The following PDC variants were observed in gnomAD, a reference collection of about 807,000 sequenced individuals.
PDC encodes the protein phosducin, also known as 33 kDa phototransducing protein.
Under a neutral mutation model 22.2 loss-of-function variants are expected in PDC, and 19 were observed. The observed-to-expected ratio is 0.86, with a 90% CI of 0.60 to 1.26. PDC has a LOEUF of 1.26. Among genes scored for constraint, PDC ranks in the 50% most tolerant of loss-of-function variants. PDC has a pLI of 0.00. For missense variants in PDC, 274 were observed against 286.8 expected (o/e 0.96, Z 0.32); for synonymous variants, 97 against 96.2 (o/e 1.01, Z -0.05).
chr1:186,455,525 G>A (rs1662438842), intron 1 of PDC, among the ~76,000 whole-genome samples: 1 of 151,940 alleles, frequency 6.6e-6, no homozygotes, highest in African/African-American at 2.4e-5. Flanking sequence ...GATTTTTCAG[G>A]GTTCCCCACC....
chr1:186,457,708 T>C (rs986472360), intron 1 of PDC, among the ~76,000 whole-genome samples: 15 of 152,180 alleles, frequency 9.9e-5, no homozygotes, highest in Admixed American at 8.5e-4. Context: ...TTCTTTAAAA[T>C]TAAATTTTGG....
Position 186,446,517 on chromosome 1 carries a change from G to A in PDC, c.122C>T (p.Ser41Leu). 1 of 1,600,790 alleles carries A rather than the reference G, an allele frequency of 6.2e-7. No homozygotes were observed. The highest frequency in any genetic ancestry group is 8.6e-7 in the Non-Finnish European group (1 of 1,169,212). ...KFKLESQDSDSIPPSKKEILR... is the reference protein window; with the variant it reads ...KFKLESQDSDLIPPSKKEILR... ...AATCTCCTTCTTGCTAGGTGGAATT[G>A]AATCACTGTCTTGACTCTCTAATTT... is the stretch of plus-strand genomic sequence containing the variant. Residue 41 changes from serine (S) to leucine (L), a missense_variant, in exon 3 of 4, where the codon TCA (serine) becomes TTA (leucine). Ser to Leu is a moderately radical substitution (Grantham distance 145, BLOSUM62 -2). Coordinates refer to ENST00000391997, the MANE Select transcript of PDC (RefSeq NM_002597.5).
chr1:186,444,396 C>T lies in PDC; in HGVS notation c.324G>A (p.Gly108=). 1 of 1,614,046 alleles carries T rather than the reference C, an allele frequency of 6.2e-7. No individual in the cohort carries two copies. Among genetic ancestry groups the T allele is most frequent in the South Asian group, 1.1e-5 (1 of 91,080 alleles). ...GCTCATACACAAACCCATATCTAGG[C>T]CCAAAACTCAGCTTCTGGTGCATAT... ...MQDMHQKLSF[G]PRYGFVYELE... Residue 108 remains glycine (G), a synonymous_variant, in exon 4 of 4, where the codon GGG becomes GGA. Transcript: ENST00000391997.
intron 1 of PDC, among the ~76,000 whole-genome samples, chr1:186,458,232 T>G (rs1662508852): frequency 7.2e-6 from 1 of 139,776 alleles, no homozygotes; most frequent in African/African-American, 2.6e-5. Context: ...TATTCTTTTT[T>G]TTTTTTTTTT....
rs1437048401 is a variant in PDC, at chr1:186,461,049, G to A, written c.-25+10C>T. 6.5e-6 allele frequency: 1 copy of A among 154,774 alleles called. No individual in the cohort carries two copies. The highest frequency in any genetic ancestry group is 1.5e-5 in the Non-Finnish European group (1 of 68,224). 9.6% of individuals were successfully genotyped at this position (154,774 alleles called of 1,614,324 possible). ...AATTATATTATCAAAAGGACTACTT[G>A]TGGACTCACAGTTTGGATCTCTGTG... On this transcript the variant is annotated intron_variant, in intron 1 of 3. Transcript: ENST00000391997.
chr1:186,455,051 A>C (rs1662430178), intron 1 of PDC, among the ~76,000 whole-genome samples: 1 of 152,182 alleles, frequency 6.6e-6, no homozygotes, highest in Non-Finnish European at 1.5e-5. Flanking sequence ...GTTGCTAGGT[A>C]CCTTTGTCTG....
chr1:186,452,376 T>C (rs1662371502), intron 1 of PDC, among the ~76,000 whole-genome samples: 1 of 152,170 alleles, frequency 6.6e-6, no homozygotes, highest in South Asian at 2.1e-4. Context: ...TAGCTGGGAT[T>C]ACAGGCATGG....
At chr1:186,445,662 C>T (rs1200580068) in intron 3 of PDC, among the ~76,000 whole-genome samples, 1 of 151,986 alleles carries the variant, frequency 6.6e-6, no homozygotes, top group Non-Finnish European at 1.5e-5. Context: ...AAAATGGTGG[C>T]ACATGCCTGT....
intron 1 of PDC, among the ~76,000 whole-genome samples, chr1:186,450,190 TC>T (rs1206555927): frequency 1.3e-5 from 2 of 152,182 alleles, no homozygotes. Context: ...ATTTGGCAAA[TC>T]AAATCTTTGA....
intron 1 of PDC, among the ~76,000 whole-genome samples, chr1:186,459,752 G>GTGTATA (rs1299957095): frequency 9.8e-5 from 11 of 112,114 alleles, no homozygotes; most frequent in South Asian, 9.1e-4. Flanking sequence ...GTGTGTGTGT[G>GTGTATA]TATATATATA....
rs189475313 is a variant in PDC at position 186,457,436 on chromosome 1, G to C, written c.-25+3623C>G. ...TGAATTAATTGGAATTGGAAAATGGGAATGATTATTTAATTTGAATGTAGC... is the reference window on the plus strand; with the variant it reads ...TGAATTAATTGGAATTGGAAAATGGCAATGATTATTTAATTTGAATGTAGC... On this transcript the variant is annotated intron_variant, in intron 1 of 3. Coordinates refer to ENST00000391997, the MANE Select transcript of PDC (RefSeq NM_002597.5). Among the ~76,000 whole-genome samples the C allele has an allele frequency of 1.4e-4, 21 of 152,210 alleles. No homozygotes were observed. In the East Asian group the frequency reaches 3.1e-3, roughly 22 times the overall value.
chr1:186,443,802 T>C lies in PDC; in HGVS notation c.*177A>G. 1.7e-6 allele frequency: 1 copy of C among 578,694 alleles called. No individual in the cohort carries two copies. Among genetic ancestry groups the C allele is most frequent in the Non-Finnish European group, 3.1e-6 (1 of 325,856 alleles). The allele number at this position is 578,694 out of a possible 1,614,324, so 35.8% of individuals were successfully genotyped here. A position where few individuals can be genotyped will look rare whatever the true frequency, so the allele number is the denominator to read the frequency against. ...AGCTCTGTTTTGTAGTCAAGCATTGTATCAATTTGAGTAACTAATACTAAG... is the reference window on the plus strand; with the variant it reads ...AGCTCTGTTTTGTAGTCAAGCATTGCATCAATTTGAGTAACTAATACTAAG... On this transcript the variant is annotated 3_prime_UTR_variant, in exon 4 of 4. Coordinates refer to ENST00000391997, the MANE Select transcript of PDC (RefSeq NM_002597.5).
intron 1 of PDC, among the ~76,000 whole-genome samples, chr1:186,453,288 A>G (rs973038326): frequency 1.3e-5 from 2 of 152,184 alleles, no homozygotes; most frequent in Non-Finnish European, 2.9e-5. Flanking sequence ...CATTTATGAT[A>G]GCGATGATCT....
At chr1:186,447,475 TTAAA>T (rs1662257603) in intron 2 of PDC, among the ~76,000 whole-genome samples, 1 of 152,136 alleles carries the variant, frequency 6.6e-6, no homozygotes, top group African/African-American at 2.4e-5. Context: ...GTAAAACTAA[TTAAA>T]TGAAGGATGA....
At chr1:186,448,508 G>A (rs556949151) in intron 2 of PDC, 1 of 160,630 alleles carries the variant, frequency 6.2e-6, no homozygotes, top group East Asian at 1.9e-4. Context: ...TTTGACTTTT[G>A]TTCCTGGTGA....
chr1:186,457,869 A>G (rs1438120495), intron 1 of PDC, among the ~76,000 whole-genome samples: 3 of 152,174 alleles, frequency 2.0e-5, no homozygotes, highest in Non-Finnish European at 4.4e-5. Context: ...TTTATGCCTG[A>G]CTTCCCCCCA....
intron 1 of PDC, 40 bp from the exon 2 acceptor site, chr1:186,449,523 C>T: frequency 9.9e-7 from 1 of 1,007,378 alleles, no homozygotes; most frequent in Non-Finnish European, 1.6e-6. Context: ...CACAAGAATT[C>T]CAGGATGTAC....
chr1:186,452,517 G>T (rs1433622264), intron 1 of PDC, among the ~76,000 whole-genome samples: 5 of 152,180 alleles, frequency 3.3e-5, no homozygotes, highest in African/African-American at 1.2e-4. Flanking sequence ...GGGATTACAG[G>T]CATAAGGCAC....
chr1:186,455,373 GT>G (rs1184787688), intron 1 of PDC, among the ~76,000 whole-genome samples: 1 of 152,098 alleles, frequency 6.6e-6, no homozygotes, highest in African/African-American at 2.4e-5. Flanking sequence ...GGGGCTCAAT[GT>G]ATGAATTTTG....
Sources: gnomAD v4.1 joint callset for allele counts (sites outside exome capture counted in the v4.1 genomes callset) on GRCh38, gnomAD v4.1.1 for gene constraint, MANE v1.5 for transcripts, NCBI Gene and HGNC (gene_info 2026-07-23, HGNC 2026-07-21) for gene names.